SHANK2: variants seen among roughly 807,000 people sequenced by gnomAD.
SHANK2 encodes SH3 and multiple ankyrin repeat domains 2.
SHANK2 carries 43 observed loss-of-function variants against 133.7 expected under a neutral mutation model. The ratio of observed to expected loss-of-function variants is 0.32; its 90% confidence interval spans 0.25 to 0.41. SHANK2 has a LOEUF of 0.41. Among genes scored for constraint, SHANK2 ranks in the 10% least tolerant of loss-of-function variants. SHANK2 has a pLI of 1.00. For missense variants in SHANK2, 1,994 were observed against 2,235.8 expected (o/e 0.89, Z 2.18); for synonymous variants, 1,017 against 952.8 (o/e 1.07, Z -1.24).
At chr11:70,925,375 G>C (rs1555081393) in intron 10 of SHANK2, among the ~76,000 whole-genome samples, 1 of 152,186 alleles carries the variant, frequency 6.6e-6, no homozygotes, top group East Asian at 1.9e-4. Flanking sequence ...GTGCCCAATA[G>C]GAGTAGGTAT....
intron 14 of SHANK2, among the ~76,000 whole-genome samples, chr11:70,761,477 C>T (rs10793290): frequency 0.33 from 50,548 of 152,128 alleles, 9,118 homozygotes; most frequent in East Asian, 0.58. Flanking sequence ...ACCCACAGAA[C>T]GAGGCACCAT....
At chr11:70,575,518 C>CAAAAAA (rs71049923) in intron 17 of SHANK2, among the ~76,000 whole-genome samples, 2 of 139,550 alleles carry the variant, frequency 1.4e-5, no homozygotes, top group African/African-American at 5.6e-5. Flanking sequence ...GACTCTGCCT[C>CAAAAAA]AAAAAAAAAA....
intron 14 of SHANK2, among the ~76,000 whole-genome samples, chr11:70,759,411 G>C (rs1946941994): frequency 6.6e-6 from 1 of 152,080 alleles, no homozygotes. Context: ...GAACCCGGGA[G>C]GCGGAGGTTG....
At chr11:70,605,957 T>C (rs1027058955) in intron 17 of SHANK2, among the ~76,000 whole-genome samples, 1 of 151,798 alleles carries the variant, frequency 6.6e-6, no homozygotes, top group Non-Finnish European at 1.5e-5. Flanking sequence ...TTCCCCCCCC[T>C]CCTTGGGGTA....
chr11:70,613,884 C>T (rs1311575084), intron 17 of SHANK2, among the ~76,000 whole-genome samples: 1 of 151,856 alleles, frequency 6.6e-6, no homozygotes, highest in African/African-American at 2.4e-5. Flanking sequence ...CCTGCCTCAG[C>T]CTCCCAAGTA....
At chr11:70,927,791 C>T (rs1950449294) in intron 10 of SHANK2, among the ~76,000 whole-genome samples, 1 of 152,120 alleles carries the variant, frequency 6.6e-6, no homozygotes, top group Admixed American at 6.5e-5. Flanking sequence ...TCGGTAAACC[C>T]AGAAAAGCAG....
intron 17 of SHANK2, among the ~76,000 whole-genome samples, chr11:70,655,091 G>T (rs1444810843): frequency 6.6e-6 from 1 of 152,074 alleles, no homozygotes; most frequent in Non-Finnish European, 1.5e-5. Flanking sequence ...CCTTAGCATG[G>T]ATTCCTAGAT....
chr11:70,711,414 C>T (rs1023967034), intron 14 of SHANK2, among the ~76,000 whole-genome samples: 3 of 152,234 alleles, frequency 2.0e-5, no homozygotes, highest in South Asian at 2.1e-4. Flanking sequence ...GAGCCAAAAG[C>T]GGGATCAGAA....
chr11:70,570,238 C>G (rs1254947628), intron 17 of SHANK2, among the ~76,000 whole-genome samples: 2 of 152,228 alleles, frequency 1.3e-5, no homozygotes, highest in Non-Finnish European at 2.9e-5. Context: ...CTTTGAAGCC[C>G]TTCCCTCTTT....
chr11:70,735,747 C>T (rs904718401), intron 14 of SHANK2, among the ~76,000 whole-genome samples: 5 of 151,338 alleles, frequency 3.3e-5, no homozygotes, highest in Non-Finnish European at 5.9e-5. Context: ...AGTGGGAGGC[C>T]GAGTACTCCT....
intron 17 of SHANK2, among the ~76,000 whole-genome samples, chr11:70,626,359 G>C (rs567681141): frequency 9.8e-5 from 15 of 152,332 alleles, no homozygotes; most frequent in African/African-American, 3.4e-4. Context: ...ATGAAGCCTG[G>C]TACTGGGATC....
intron 14 of SHANK2, among the ~76,000 whole-genome samples, chr11:70,777,288 C>T (rs534698621): frequency 6.6e-6 from 1 of 151,686 alleles, no homozygotes; most frequent in South Asian, 2.1e-4. Context: ...CCCAGTCATC[C>T]ATCCACTCAC....
rs953560441 is a variant in SHANK2, at chr11:70,572,096, C to T, written c.2062-69165G>A. ...CATCTCCACACCAGGGACAGGCCCT[C>T]GCCAGAATCCGGCCCTGCCGGCATC... On this transcript the variant is annotated intron_variant, in intron 17 of 25. Coordinates refer to ENST00000601538, the MANE Select transcript of SHANK2 (RefSeq NM_012309.5). Among the ~76,000 whole-genome samples the T allele has an allele frequency of 7.2e-5, 11 of 152,330 alleles. 1 individual carries two copies. Among genetic ancestry groups the T allele is most frequent in the African/African-American group, 2.2e-4 (9 of 41,582 alleles).
intron 14 of SHANK2, among the ~76,000 whole-genome samples, chr11:70,791,215 A>G (rs1947779585): frequency 6.6e-6 from 1 of 152,058 alleles, no homozygotes; most frequent in African/African-American, 2.4e-5. Flanking sequence ...ACACCACCCA[A>G]CCTCCTTTTC....
At chr11:70,853,821 T>TC (rs1378285616) in intron 11 of SHANK2, among the ~76,000 whole-genome samples, 1 of 152,204 alleles carries the variant, frequency 6.6e-6, no homozygotes, top group Admixed American at 6.5e-5. Flanking sequence ...CCTCCCTGCC[T>TC]CTTCCACTCC....
At chr11:70,554,554 C>A (rs1046474194) in intron 17 of SHANK2, among the ~76,000 whole-genome samples, 1 of 152,142 alleles carries the variant, frequency 6.6e-6, no homozygotes, top group Admixed American at 6.5e-5. Flanking sequence ...CTCTCCTCCC[C>A]CCTCCCCCAG....
intron 14 of SHANK2, among the ~76,000 whole-genome samples, chr11:70,733,903 C>CT (rs1242514115): frequency 1.3e-5 from 2 of 152,146 alleles, no homozygotes; most frequent in African/African-American, 4.8e-5. Flanking sequence ...CAAGCACTTG[C>CT]TACCCCTGGG....
At chr11:70,787,707 TACC>T (rs567717626) in intron 14 of SHANK2, among the ~76,000 whole-genome samples, 2 of 149,398 alleles carry the variant, frequency 1.3e-5, no homozygotes, top group African/African-American at 4.9e-5. Context: ...TTATCATCAT[TACC>T]ACCACCACCA....
intron 14 of SHANK2, among the ~76,000 whole-genome samples, chr11:70,702,833 T>C (rs1220893258): frequency 6.6e-6 from 1 of 152,238 alleles, no homozygotes; most frequent in Non-Finnish European, 1.5e-5. Context: ...CTGGCTCGAT[T>C]CAGAACCCAG....
Sources: allele counts gnomAD v4.1 joint callset (sites outside exome capture counted in the v4.1 genomes callset), GRCh38; gene constraint gnomAD v4.1.1; transcripts MANE v1.5; gene names NCBI Gene and HGNC (gene_info 2026-07-23, HGNC 2026-07-21).